Variants in LRMDA observed in about 807,000 individuals in gnomAD.
The protein encoded by LRMDA is leucine rich melanocyte differentiation associated.
In LRMDA, 18 loss-of-function variants were observed where a neutral mutation model predicts 29.8. The ratio of observed to expected loss-of-function variants is 0.60; its 90% CI spans 0.42 to 0.90. The LOEUF is 0.90. LRMDA is among the 40% of genes least tolerant of loss of function. The pLI is 0.00. For synonymous variants in LRMDA, 125 were observed against 109.4 expected, an observed-to-expected ratio of 1.14 and a Z score of -0.89; for missense variants, 273 against 273.9, an observed-to-expected ratio of 1.00 and a Z score of 0.02.
At chr10:76,418,632 G>A (rs1278799443) in intron 6 of LRMDA, among the ~76,000 whole-genome samples, 3 of 151,456 alleles carry the variant, frequency 2.0e-5, no homozygotes, top group African/African-American at 7.3e-5. Flanking sequence ...TTATAGAATT[G>A]GCCATGACCT....
intron 2 of LRMDA, among the ~76,000 whole-genome samples, chr10:75,453,378 G>A (rs746436112): frequency 2.0e-5 from 3 of 152,194 alleles, no homozygotes; most frequent in Non-Finnish European, 4.4e-5. Flanking sequence ...TGATGGCACA[G>A]GAAGCTTCTT....
At chr10:76,195,199 G>A (rs1038902807) in intron 5 of LRMDA, among the ~76,000 whole-genome samples, 30 of 152,184 alleles carry the variant, frequency 2.0e-4, no homozygotes, top group Non-Finnish European at 4.4e-4. Flanking sequence ...ACAAAGGCTT[G>A]CATTCCTCCC....
intron 2 of LRMDA, among the ~76,000 whole-genome samples, chr10:75,569,767 C>T (rs900330950): frequency 6.6e-6 from 1 of 152,194 alleles, no homozygotes; most frequent in Admixed American, 6.5e-5. Context: ...GGTTTTAGCA[C>T]AAATCAGATC....
At chr10:76,426,599 G>T (rs1475573617) in intron 6 of LRMDA, among the ~76,000 whole-genome samples, 1 of 152,222 alleles carries the variant, frequency 6.6e-6, no homozygotes, top group East Asian at 1.9e-4. Flanking sequence ...AGAAGCTCTT[G>T]AGTTTAATTA....
chr10:75,869,423 C>T (rs908112645), intron 2 of LRMDA, among the ~76,000 whole-genome samples: 1 of 152,190 alleles, frequency 6.6e-6, no homozygotes, highest in Non-Finnish European at 1.5e-5. Context: ...ATGGATATAT[C>T]AAACTAGCTG....
At chr10:76,258,267 G>A (rs766397592) in intron 5 of LRMDA, among the ~76,000 whole-genome samples, 6 of 152,106 alleles carry the variant, frequency 3.9e-5, no homozygotes, top group Non-Finnish European at 5.9e-5. Context: ...TTCATACTTC[G>A]TCTCAGTTCT....
intron 2 of LRMDA, among the ~76,000 whole-genome samples, chr10:75,646,122 A>C (rs1841517708): frequency 6.6e-6 from 1 of 151,728 alleles, no homozygotes; most frequent in South Asian, 2.1e-4. Flanking sequence ...TAAATAAATA[A>C]ATAAATAAAT....
chr10:75,992,588 G>A (rs1212622953), intron 2 of LRMDA, among the ~76,000 whole-genome samples: 1 of 152,206 alleles, frequency 6.6e-6, no homozygotes, highest in Non-Finnish European at 1.5e-5. Context: ...GGGCATGGAC[G>A]TTTCCTGACT....
At chr10:75,600,307 C>T (rs1371548842) in intron 2 of LRMDA, among the ~76,000 whole-genome samples, 1 of 152,202 alleles carries the variant, frequency 6.6e-6, no homozygotes, top group African/African-American at 2.4e-5. Context: ...TTAGAGGATG[C>T]TCCCCATTTC....
chr10:76,490,403 GTC>G (rs375255459), intron 6 of LRMDA, among the ~76,000 whole-genome samples: 59 of 148,448 alleles, frequency 4.0e-4, no homozygotes, highest in Admixed American at 3.4e-4. Context: ...TTGTATTAGG[GTC>G]TCTCTCTCTC....
intron 2 of LRMDA, among the ~76,000 whole-genome samples, chr10:75,502,706 G>T (rs1316240739): frequency 6.6e-6 from 1 of 152,158 alleles, no homozygotes; most frequent in Non-Finnish European, 1.5e-5. Flanking sequence ...GCCTCCTGAG[G>T]CACTAGTGGG....
intron 5 of LRMDA, among the ~76,000 whole-genome samples, chr10:76,104,585 C>T (rs1183092035): frequency 6.6e-6 from 1 of 151,982 alleles, no homozygotes; most frequent in African/African-American, 2.4e-5. Flanking sequence ...GTGTCTTGGC[C>T]ACGGCTATCT....
At chr10:76,284,159 C>A (rs1041860274) in intron 5 of LRMDA, among the ~76,000 whole-genome samples, 4 of 152,110 alleles carry the variant, frequency 2.6e-5, no homozygotes, top group Admixed American at 6.6e-5. Context: ...TGTCCTAATT[C>A]TTAGAAACTG....
Position 76,534,399 on chromosome 10 carries a change from G to A in LRMDA, c.602-22810G>A, listed in dbSNP as rs543224546. On this transcript the variant is annotated intron_variant, in intron 6 of 6. Transcript: ENST00000611255. Reference sequence around the variant, plus strand: ...GGATGCGTGGCAGTTCATGACCAAGGCTTTTGAGAAATGGCTGTGCCTCTT... The same window carrying A: ...GGATGCGTGGCAGTTCATGACCAAGACTTTTGAGAAATGGCTGTGCCTCTT... Among the ~76,000 whole-genome samples, 6 of 152,222 alleles carry A rather than the reference G, an allele frequency of 3.9e-5. No homozygotes were observed. The East Asian group carries it at 1.2e-3, about 29-fold the overall frequency.
intron 5 of LRMDA, among the ~76,000 whole-genome samples, chr10:76,219,494 C>A: frequency 6.6e-6 from 1 of 152,070 alleles, no homozygotes; most frequent in Non-Finnish European, 1.5e-5. Context: ...GACTTTAAAC[C>A]AACAAAGATC....
chr10:76,051,605 T>C (rs1229776264), intron 4 of LRMDA, among the ~76,000 whole-genome samples: 1 of 152,162 alleles, frequency 6.6e-6, no homozygotes, highest in East Asian at 1.9e-4. Context: ...TATAAGGAAA[T>C]TGGAATAACA....
intron 2 of LRMDA, among the ~76,000 whole-genome samples, chr10:75,563,344 C>T (rs1840325072): frequency 2.0e-5 from 3 of 152,126 alleles, no homozygotes; most frequent in Admixed American, 6.5e-5. Context: ...CTTCTGCATT[C>T]TTCACGTAGT....
chr10:75,984,276 C>T (rs1847224284), intron 2 of LRMDA, among the ~76,000 whole-genome samples: 2 of 151,398 alleles, frequency 1.3e-5, no homozygotes, highest in African/African-American at 4.9e-5. Context: ...GATCTGTGCC[C>T]TGCGGGGAGG....
At chr10:75,816,662 G>C (rs1161315892) in intron 2 of LRMDA, among the ~76,000 whole-genome samples, 1 of 152,220 alleles carries the variant, frequency 6.6e-6, no homozygotes, top group African/African-American at 2.4e-5. Context: ...GTAAGTAACA[G>C]AAGCCCATTC....
Sources: allele counts gnomAD v4.1 joint callset (sites outside exome capture counted in the v4.1 genomes callset), GRCh38; gene constraint gnomAD v4.1.1; transcripts MANE v1.5; gene names NCBI Gene and HGNC (gene_info 2026-07-23, HGNC 2026-07-21).